The following RARB variants were observed in gnomAD, a reference collection of about 807,000 sequenced individuals.
RARB encodes HBV-activated protein.
In RARB, 17 loss-of-function variants were observed where a neutral mutation model predicts 51.9. That is an observed-to-expected ratio of 0.33 (90% CI 0.22 to 0.49). The LOEUF (loss-of-function observed/expected upper bound fraction) is 0.49. RARB is among the 20% of genes least tolerant of loss of function. RARB has a pLI of 0.99. For missense variants in RARB, 369 were observed against 550.8 expected (o/e 0.67, Z 3.30); for synonymous variants, 215 against 195.4 (o/e 1.10, Z -0.84).
intron 2 of RARB, among the ~76,000 whole-genome samples, chr3:24,877,049 TATC>T (rs1703059963): frequency 6.6e-6 from 1 of 152,164 alleles, no homozygotes; most frequent in African/African-American, 2.4e-5. Context: ...GTATTTGTTT[TATC>T]ATGTATATTT....
chr3:25,552,656 C>T (rs1010588868), intron 3 of RARB, among the ~76,000 whole-genome samples: 1 of 152,144 alleles, frequency 6.6e-6, no homozygotes, highest in African/African-American at 2.4e-5. Flanking sequence ...CACCTTTCTG[C>T]CTACTAAAAT....
At chr3:24,929,480 T>G (rs766111119) in intron 2 of RARB, among the ~76,000 whole-genome samples, 1 of 152,136 alleles carries the variant, frequency 6.6e-6, no homozygotes, top group Non-Finnish European at 1.5e-5. Context: ...CTATCACTTA[T>G]GAAAGAGCAA....
At chr3:25,522,202 A>C (rs2125633171) in intron 3 of RARB, among the ~76,000 whole-genome samples, 1 of 152,196 alleles carries the variant, frequency 6.6e-6, no homozygotes, top group African/African-American at 2.4e-5. Context: ...TGAAGTTGTA[A>C]TTATCCACTT....
At chr3:25,217,885 T>G (rs2125382753) in intron 5 of RARB, among the ~76,000 whole-genome samples, 1 of 152,184 alleles carries the variant, frequency 6.6e-6, no homozygotes, top group Non-Finnish European at 1.5e-5. Flanking sequence ...ATAGGCAAAC[T>G]TATGAGAAAT....
chr3:24,998,350 C>A (rs527944840), intron 2 of RARB, among the ~76,000 whole-genome samples: 1 of 148,262 alleles, frequency 6.7e-6, no homozygotes, highest in African/African-American at 2.5e-5. Flanking sequence ...GTTATAAATT[C>A]ATTTTGTTAA....
At chr3:25,329,185 C>A (rs992312002) in intron 5 of RARB, among the ~76,000 whole-genome samples, 3 of 152,318 alleles carry the variant, frequency 2.0e-5, no homozygotes, top group African/African-American at 7.2e-5. Flanking sequence ...GTGGTTCTCC[C>A]AGCACGGAGT....
chr3:24,962,808 G>A (rs1394863804), intron 2 of RARB, among the ~76,000 whole-genome samples: 1 of 152,138 alleles, frequency 6.6e-6, no homozygotes, highest in Non-Finnish European at 1.5e-5. Flanking sequence ...ATATAAATGA[G>A]TACTATCATG....
chr3:25,192,924 C>T (rs1338706491), intron 5 of RARB, among the ~76,000 whole-genome samples: 8 of 152,008 alleles, frequency 5.3e-5, no homozygotes, highest in Admixed American at 3.3e-4. Flanking sequence ...GAATGTACAT[C>T]TGTAAATGGA....
chr3:25,307,687 G>A, intron 5 of RARB, among the ~76,000 whole-genome samples: 1 of 152,312 alleles, frequency 6.6e-6, no homozygotes, highest in Middle Eastern at 3.4e-3. Context: ...ACAGAGATGA[G>A]TAGGTCCTAT....
intron 2 of RARB, among the ~76,000 whole-genome samples, chr3:25,478,878 G>A (rs1166671921): frequency 1.3e-5 from 2 of 152,104 alleles, no homozygotes; most frequent in Non-Finnish European, 2.9e-5. Flanking sequence ...CCAAATGTGG[G>A]CTCTAATGTA....
chr3:25,430,237 C>G (rs1345449627), intron 1 of RARB, among the ~76,000 whole-genome samples: 3 of 152,320 alleles, frequency 2.0e-5, no homozygotes, highest in South Asian at 2.1e-4. Context: ...CAGCTGCTCC[C>G]CAAATGCCTT....
chr3:25,240,851 A>G (rs1173180393), intron 5 of RARB, among the ~76,000 whole-genome samples: 13 of 152,152 alleles, frequency 8.5e-5, no homozygotes, highest in Admixed American at 8.5e-4. Flanking sequence ...GCTTTGTAGA[A>G]TGAATTAGAG....
intron 1 of RARB, among the ~76,000 whole-genome samples, chr3:24,842,022 G>A (rs1441624324): frequency 2.6e-5 from 4 of 152,052 alleles, no homozygotes; most frequent in Admixed American, 6.5e-5. Flanking sequence ...CTATTTACAT[G>A]CTCCAAAGAT....
intron 5 of RARB, among the ~76,000 whole-genome samples, chr3:25,289,728 G>C (rs1395838785): frequency 1.3e-5 from 2 of 148,874 alleles, no homozygotes. Flanking sequence ...AGGAGTGGGA[G>C]GAAGGCGAAG....
intron 5 of RARB, among the ~76,000 whole-genome samples, chr3:25,583,430 T>C (rs538703148): frequency 3.8e-4 from 58 of 152,304 alleles, no homozygotes; most frequent in African/African-American, 1.2e-3. Flanking sequence ...CCAGCCCTGA[T>C]TGAGTACCGC....
At chr3:25,456,674 TATATATATAGAGAGAG>T (rs1311909564) in intron 1 of RARB, among the ~76,000 whole-genome samples, 6 of 113,192 alleles carry the variant, frequency 5.3e-5, no homozygotes, top group African/African-American at 2.1e-4. Context: ...TATATATATA[TATATATATAGAGAGAG>T]AGAGAGAGAG....
intron 1 of RARB, among the ~76,000 whole-genome samples, chr3:24,850,074 C>A (rs1053777729): frequency 1.3e-5 from 2 of 152,206 alleles, no homozygotes; most frequent in African/African-American, 4.8e-5. Context: ...GTGTCCTTAC[C>A]TGGAAGAAGG....
At chr3:25,397,808 A>G (rs984605297) in intron 5 of RARB, among the ~76,000 whole-genome samples, 1 of 152,056 alleles carries the variant, frequency 6.6e-6, no homozygotes, top group African/African-American at 2.4e-5. Flanking sequence ...CTCTTCATTT[A>G]TAAAATAAGG....
intron 2 of RARB, among the ~76,000 whole-genome samples, chr3:25,008,230 G>A (rs1697317167): frequency 6.6e-6 from 1 of 152,082 alleles, no homozygotes; most frequent in Non-Finnish European, 1.5e-5. Context: ...GGCAGGGCTT[G>A]TACATTTTAG....
Sources: gnomAD v4.1 joint callset for allele counts (sites outside exome capture counted in the v4.1 genomes callset) on GRCh38, gnomAD v4.1.1 for gene constraint, MANE v1.5 for transcripts, NCBI Gene and HGNC (gene_info 2026-07-23, HGNC 2026-07-21) for gene names.